SPAG16: variants seen among roughly 807,000 people sequenced by gnomAD.
SPAG16 encodes sperm-associated antigen 16 protein.
Under a neutral mutation model 80.4 loss-of-function variants are expected in SPAG16, and 86 were observed. The observed-to-expected ratio is 1.07, with a 90% CI of 0.90 to 1.28. The LOEUF is 1.28. Ranked by LOEUF, SPAG16 falls within the 50% of genes most tolerant of loss-of-function variation. The pLI, the probability that SPAG16 is intolerant of heterozygous loss-of-function variation, is 0.00. For synonymous variants in SPAG16, 294 were observed against 265.9 expected (o/e 1.11, Z -1.03); for missense variants, 870 against 765.3 (o/e 1.14, Z -1.61).
In SPAG16 at chr2:213,980,310, A is replaced by C. The variant is rs1226113079; in HGVS notation, c.1401-33641A>C. ...ATATATGTGTGTATATATATTCTCT[A>C]TATATATAGAATATATGTGTGTATA... On this transcript the variant is annotated intron_variant, in intron 12 of 15. Transcript: ENST00000331683. Among the ~76,000 whole-genome samples the C allele has an allele frequency of 5.1e-3, 134 of 26,314 alleles. 11 individuals are homozygous for C. The highest frequency in any genetic ancestry group is 6.6e-3 in the Non-Finnish European group (124 of 18,698). 17.3% of individuals were successfully genotyped at this position (26,314 alleles called of 152,430 possible). A position where few individuals can be genotyped will look rare whatever the true frequency, so the allele number is the denominator to read the frequency against.
At chr2:214,198,355 T>C (rs1390575365) in intron 15 of SPAG16, among the ~76,000 whole-genome samples, 1 of 152,046 alleles carries the variant, frequency 6.6e-6, no homozygotes, top group Non-Finnish European at 1.5e-5. Context: ...CAAAATTTGG[T>C]TTTTCCATTC....
At chr2:213,609,403 A>G (rs1437614677) in intron 10 of SPAG16, among the ~76,000 whole-genome samples, 1 of 152,106 alleles carries the variant, frequency 6.6e-6, no homozygotes. Flanking sequence ...CTCTGTTGCC[A>G]TCTCAGTTTT....
intron 11 of SPAG16, among the ~76,000 whole-genome samples, chr2:213,872,729 G>C (rs745387652): frequency 6.6e-6 from 1 of 152,076 alleles, no homozygotes; most frequent in African/African-American, 2.4e-5. Context: ...TGGGATTTTT[G>C]TAGATGCTTT....
intron 15 of SPAG16, among the ~76,000 whole-genome samples, chr2:214,400,504 G>C (rs552797969): frequency 2.1e-3 from 315 of 152,078 alleles, no homozygotes; most frequent in Non-Finnish European, 3.1e-3. Flanking sequence ...GATACGCATA[G>C]GTTATATGCA....
intron 10 of SPAG16, among the ~76,000 whole-genome samples, chr2:213,649,588 T>G (rs2062950122): frequency 6.6e-6 from 1 of 152,156 alleles, no homozygotes; most frequent in African/African-American, 2.4e-5. Flanking sequence ...GTTTATTTAT[T>G]TATTTTGAGA....
chr2:213,950,147 T>C (rs1485493948), intron 12 of SPAG16, among the ~76,000 whole-genome samples: 1 of 152,224 alleles, frequency 6.6e-6, no homozygotes, highest in Non-Finnish European at 1.5e-5. Flanking sequence ...CTAGAATTAA[T>C]TAAGCTGGTC....
intron 10 of SPAG16, among the ~76,000 whole-genome samples, chr2:213,490,433 A>G (rs1482938581): frequency 6.6e-6 from 1 of 152,124 alleles, no homozygotes; most frequent in Non-Finnish European, 1.5e-5. Flanking sequence ...AATTTTACCA[A>G]TGTACTTTTT....
intron 9 of SPAG16, 93 bp from the exon 10 acceptor site, chr2:213,489,870 G>A: frequency 9.9e-7 from 1 of 1,008,116 alleles, no homozygotes. Flanking sequence ...CAAATATAAT[G>A]TTTATGTTGT....
chr2:213,702,344 G>A (rs887134424), intron 10 of SPAG16, among the ~76,000 whole-genome samples: 1 of 152,206 alleles, frequency 6.6e-6, no homozygotes, highest in Non-Finnish European at 1.5e-5. Flanking sequence ...GCTGTGGAAG[G>A]TTTGTTCTTT....
chr2:213,591,186 A>G (rs2060677338), intron 10 of SPAG16, among the ~76,000 whole-genome samples: 2 of 152,176 alleles, frequency 1.3e-5, no homozygotes, highest in South Asian at 4.1e-4. Context: ...ATGATCTGTC[A>G]CTTAAGCTAT....
intron 10 of SPAG16, among the ~76,000 whole-genome samples, chr2:213,666,129 T>G (rs1443523100): frequency 2.0e-5 from 3 of 152,176 alleles, no homozygotes; most frequent in Non-Finnish European, 2.9e-5. Flanking sequence ...GAGAATAGAT[T>G]GTGTTTCCTT....
intron 10 of SPAG16, among the ~76,000 whole-genome samples, chr2:213,557,693 T>A (rs1446973570): frequency 6.6e-6 from 1 of 152,152 alleles, no homozygotes; most frequent in Non-Finnish European, 1.5e-5. Flanking sequence ...GCTCAAGCAA[T>A]CCTCCCACCT....
chr2:214,398,890 C>T (rs1265343390), intron 15 of SPAG16, among the ~76,000 whole-genome samples: 1 of 152,150 alleles, frequency 6.6e-6, no homozygotes, highest in Non-Finnish European at 1.5e-5. Context: ...TTTCATGTCT[C>T]TATGATTCAA....
At chr2:214,333,497 A>G (rs1037889626) in intron 15 of SPAG16, among the ~76,000 whole-genome samples, 1 of 152,182 alleles carries the variant, frequency 6.6e-6, no homozygotes. Flanking sequence ...CTGAAAACTC[A>G]GTTCTGTAAC....
chr2:213,532,269 A>C (rs2076094685), intron 10 of SPAG16, among the ~76,000 whole-genome samples: 1 of 152,300 alleles, frequency 6.6e-6, no homozygotes, highest in Admixed American at 6.5e-5. Context: ...TCCTTTGACA[A>C]AACAATCTTT....
intron 5 of SPAG16, among the ~76,000 whole-genome samples, chr2:213,326,358 G>A (rs2063839463): frequency 6.6e-6 from 1 of 151,854 alleles, no homozygotes; most frequent in Admixed American, 6.6e-5. Flanking sequence ...CTTTTGTGAA[G>A]ACCCATTTAG....
intron 15 of SPAG16, among the ~76,000 whole-genome samples, chr2:214,173,312 A>C (rs540497657): frequency 6.6e-6 from 1 of 152,128 alleles, no homozygotes. Flanking sequence ...AGCTTTCTAC[A>C]TATGGCTAGC....
chr2:213,961,930 T>C (rs1227632056), intron 12 of SPAG16, among the ~76,000 whole-genome samples: 1 of 152,136 alleles, frequency 6.6e-6, no homozygotes, highest in East Asian at 1.9e-4. Flanking sequence ...CCTCTTGTAT[T>C]TTTTGGAAAG....
intron 10 of SPAG16, among the ~76,000 whole-genome samples, chr2:213,519,955 A>G (rs2075594228): frequency 6.6e-6 from 1 of 152,134 alleles, no homozygotes; most frequent in Non-Finnish European, 1.5e-5. Context: ...CTAATGCAGT[A>G]TGACTGATGT....
Sources: gnomAD v4.1 joint callset for allele counts (sites outside exome capture counted in the v4.1 genomes callset) on GRCh38, gnomAD v4.1.1 for gene constraint, MANE v1.5 for transcripts, NCBI Gene and HGNC (gene_info 2026-07-23, HGNC 2026-07-21) for gene names.